Variants in EIF3E observed in about 807,000 individuals in gnomAD.
EIF3E encodes eIF-3 p48.
A neutral mutation model predicts 59.3 loss-of-function variants in EIF3E; 25 were observed. The ratio of observed to expected loss-of-function variants is 0.42; its 90% CI spans 0.31 to 0.59. EIF3E has a LOEUF of 0.59. EIF3E is among the 20% of genes least tolerant of loss of function. The pLI is 0.15. For missense variants in EIF3E, 317 were observed against 534.3 expected, an observed-to-expected ratio of 0.59 and a Z score of 4.01; for synonymous variants, 176 against 170.2, an observed-to-expected ratio of 1.03 and a Z score of -0.26.
At chr8:108,218,738 A>G (rs1563630521) in intron 7 of EIF3E, among the ~76,000 whole-genome samples, 1 of 150,202 alleles carries the variant, frequency 6.7e-6, no homozygotes, top group Non-Finnish European at 1.5e-5. Flanking sequence ...TGTTTCTCTT[A>G]CTATCAGTTT....
At chr8:108,245,012 T>C (rs1360610351) in intron 1 of EIF3E, among the ~76,000 whole-genome samples, 1 of 151,978 alleles carries the variant, frequency 6.6e-6, no homozygotes, top group Non-Finnish European at 1.5e-5. Flanking sequence ...TAAGGTATGA[T>C]TTCCAATCTC....
At chr8:108,243,797 T>TA (rs573050507) in intron 1 of EIF3E, among the ~76,000 whole-genome samples, 31 of 152,268 alleles carry the variant, frequency 2.0e-4, no homozygotes, top group African/African-American at 7.0e-4. Context: ...TCATATCTGA[T>TA]AAAAAATTTA....
intron 7 of EIF3E, among the ~76,000 whole-genome samples, chr8:108,224,434 CCCA>C (rs1223486300): frequency 6.6e-6 from 1 of 151,342 alleles, no homozygotes; most frequent in Non-Finnish European, 1.5e-5. Flanking sequence ...AAATAGCTCT[CCCA>C]CTTCAAGAAT....
chr8:108,208,963 A>C (rs2129848779), intron 10 of EIF3E, among the ~76,000 whole-genome samples: 1 of 152,248 alleles, frequency 6.6e-6, no homozygotes, highest in East Asian at 1.9e-4. Context: ...TTTGTAACTT[A>C]TCCTACATAT....
intron 5 of EIF3E, among the ~76,000 whole-genome samples, chr8:108,232,813 A>G (rs1366602513): frequency 1.3e-5 from 2 of 152,192 alleles, no homozygotes; most frequent in Non-Finnish European, 2.9e-5. Flanking sequence ...GATTTCCAGC[A>G]GTTACCTTAA....
chr8:108,226,978 G>A (rs569701), intron 7 of EIF3E, among the ~76,000 whole-genome samples: 76,308 of 152,028 alleles, frequency 0.5, 19,211 homozygotes, highest in African/African-American at 0.58. Flanking sequence ...AAAATGTAAT[G>A]AAACTATAAA....
intron 3 of EIF3E, among the ~76,000 whole-genome samples, chr8:108,236,533 A>G (rs1815732985): frequency 6.6e-6 from 1 of 152,220 alleles, no homozygotes; most frequent in African/African-American, 2.4e-5. Context: ...TCAGTAGTCT[A>G]CTTAGTGGTA....
intron 7 of EIF3E, among the ~76,000 whole-genome samples, chr8:108,218,667 T>C (rs982694016): frequency 1.4e-4 from 22 of 152,342 alleles, no homozygotes; most frequent in African/African-American, 5.3e-4. Context: ...ATTGCAATAC[T>C]CATTTAGAAC....
At chr8:108,236,071 T>C in intron 4 of EIF3E, 90 bp downstream of exon 4, 4 of 965,288 alleles carry the variant, frequency 4.1e-6, no homozygotes, top group African/African-American at 1.7e-5. Flanking sequence ...ATTATATTCT[T>C]AGGCCAAGCC....
chr8:108,225,657 C>T (rs930855977), intron 7 of EIF3E, among the ~76,000 whole-genome samples: 1 of 151,440 alleles, frequency 6.6e-6, no homozygotes, highest in African/African-American at 2.5e-5. Flanking sequence ...TTTACTGTAT[C>T]TTCAAAAAAG....
At chr8:108,214,533 T>C (rs1815267508) in intron 10 of EIF3E, 74 bp downstream of exon 10, 2 of 1,093,064 alleles carry the variant, frequency 1.8e-6, no homozygotes, top group Admixed American at 2.8e-5. Context: ...TTCTATTAAG[T>C]GTAAATTCAC....
intron 10 of EIF3E, among the ~76,000 whole-genome samples, chr8:108,204,772 GAGAGAGAGAC>G (rs752405374): frequency 0.064 from 7,817 of 121,434 alleles, 183 homozygotes; most frequent in Admixed American, 0.098. Context: ...GAGAGAGAGA[GAGAGAGAGAC>G]AGAGAGAGAG....
At chr8:108,204,527 T>C (rs1276152656) in intron 10 of EIF3E, among the ~76,000 whole-genome samples, 2 of 151,850 alleles carry the variant, frequency 1.3e-5, no homozygotes, top group African/African-American at 4.8e-5. Flanking sequence ...TTCACCACTA[T>C]ATTATTCATC....
In EIF3E at chr8:108,248,662, A is replaced by G. The variant is rs1815996766; in HGVS notation, c.41T>C (p.Leu14Ser). 11 of 1,614,194 alleles carry G rather than the reference A, an allele frequency of 6.8e-6. No homozygotes were observed. The highest frequency in any genetic ancestry group is 9.3e-6 in the Non-Finnish European group (11 of 1,180,016). ...AAGCGGAAAGACTAGATGCCGATCC[A>G]AAAAGTGCGCGATGCGAGTAGTCAA... is the stretch of plus-strand genomic sequence containing the variant. Reference protein sequence around the residue: ...YDLTTRIAHFLDRHLVFPLLE... With the variant: ...YDLTTRIAHFSDRHLVFPLLE... Residue 14 changes from leucine (L) to serine (S), a missense_variant, in exon 1 of 13, where the codon TTG becomes TCG. Physicochemically the swap from Leu to Ser is moderately radical, Grantham distance 145. Transcript: ENST00000220849.
chr8:108,227,481 TA>T, intron 7 of EIF3E: 1 of 152,286 alleles, frequency 6.6e-6, no homozygotes, highest in African/African-American at 2.4e-5. Context: ...CTGTAATCTA[TA>T]AAGTTTAGAT....
Position 108,217,447 on chromosome 8 carries a change from T to C in EIF3E, c.736A>G (p.Ile246Val), listed in dbSNP as rs202205782. 6 of 1,598,422 alleles carry C rather than the reference T, an allele frequency of 3.8e-6. No homozygotes were observed. Among genetic ancestry groups the C allele is most frequent in the Admixed American group, 1.7e-5 (1 of 58,198 alleles). ...FLYQPQYLNAIQTMCPHILRY... is the reference protein window; with the variant it reads ...FLYQPQYLNAVQTMCPHILRY... The stretch of plus-strand genomic sequence containing the variant: ...AGAATGTGTGGACACATTGTCTGAA[T>C]TGCATTAAGATATCTAAGAAAAAAT... The change falls in exon 8 of 13, where the codon ATT (isoleucine) becomes GTT (valine). Residue 246 changes from isoleucine (I) to valine (V), a missense_variant. Coordinates refer to ENST00000220849, the MANE Select transcript of EIF3E (RefSeq NM_001568.3).
chr8:108,236,752 T>C (rs1815738383), intron 3 of EIF3E, among the ~76,000 whole-genome samples: 1 of 152,226 alleles, frequency 6.6e-6, no homozygotes, highest in African/African-American at 2.4e-5. Context: ...CCGGCCGCAG[T>C]GACTGATACC....
intron 4 of EIF3E, among the ~76,000 whole-genome samples, chr8:108,235,944 G>C (rs142994278): frequency 6.6e-6 from 1 of 152,252 alleles, no homozygotes; most frequent in Non-Finnish European, 1.5e-5. Flanking sequence ...CAAGCTTTGA[G>C]AATTTCTGTC....
intron 12 of EIF3E, among the ~76,000 whole-genome samples, 157 bp from the exon 13 acceptor site, chr8:108,202,080 C>T (rs999513122): frequency 6.6e-6 from 1 of 151,940 alleles, no homozygotes; most frequent in Non-Finnish European, 1.5e-5. Flanking sequence ...TGTCAGATGT[C>T]CCACTCAGGA....
Sources: allele counts gnomAD v4.1 joint callset (sites outside exome capture counted in the v4.1 genomes callset), GRCh38; gene constraint gnomAD v4.1.1; transcripts MANE v1.5; gene names NCBI Gene and HGNC (gene_info 2026-07-23, HGNC 2026-07-21).